The following WDR33 variants were observed in gnomAD, a reference collection of about 807,000 sequenced individuals.
WDR33 encodes the protein WD repeat domain 33, also known as pre-mRNA 3' end processing protein WDR33.
Under a neutral mutation model 164.9 loss-of-function variants are expected in WDR33, and 47 were observed. The ratio of observed to expected loss-of-function variants is 0.29; its 90% confidence interval spans 0.23 to 0.36. The LOEUF (loss-of-function observed/expected upper bound fraction) is 0.36. Ranked by LOEUF, WDR33 falls within the 10% of genes least tolerant of loss-of-function variation. WDR33 has a pLI of 1.00. For synonymous variants in WDR33, 505 were observed against 589.0 expected (o/e 0.86, Z 2.06); for missense variants, 1,137 against 1,754.1 (o/e 0.65, Z 6.28).
chr2:127,781,764 C>T (rs1223119126), intron 1 of WDR33, among the ~76,000 whole-genome samples: 9 of 151,224 alleles, frequency 6.0e-5, no homozygotes, highest in Admixed American at 6.6e-5. Context: ...TTCCGGAGGC[C>T]GAGGTAGGCA....
rs1301954491 is a variant in WDR33 at position 127,768,280 on chromosome 2, A to G, written c.287T>C (p.Ile96Thr). The part of the protein sequence containing the change: ...AGYYNDLVPP[I>T]GMLNNPMNAV... ...ATTCATAGGATTATTCAACATTCCT[A>G]TAGGTGGGACCAGCTACAAAAAAGG... Residue 96 changes from isoleucine to threonine, a missense_variant, in exon 4 of 22, where the codon ATA (isoleucine) becomes ACA (threonine). Around this residue, in one of 9 missense-constraint regions of WDR33, gnomAD observed 55 missense variants for 84.6 expected, o/e 0.65. Coordinates refer to ENST00000322313, the MANE Select transcript of WDR33 (RefSeq NM_018383.5). 6.4e-7 allele frequency: 1 copy of G among 1,567,592 alleles called. No homozygotes were observed. Among genetic ancestry groups the G allele is most frequent in the East Asian group, 2.3e-5 (1 of 43,792 alleles).
rs536816850 is a variant in WDR33 at position 127,701,637 on chromosome 2, G to A, written c.*4686C>T. On this transcript the variant is annotated 3_prime_UTR_variant, in exon 22 of 22. Transcript: ENST00000322313. ...CGCGGAGAAGGCGGAGGAGCCCGGG[G>A]ACCGGCCGGCGGAGGAGTGGCTGGG... is the stretch of plus-strand genomic sequence containing the variant. 6.8e-6 allele frequency: 9 copies of A among 1,319,658 alleles called. No homozygotes were observed. The highest frequency in any genetic ancestry group is 3.9e-5 in the Admixed American group (1 of 25,336). The allele number at this position is 1,319,658 out of a possible 1,614,324, so 81.7% of individuals were successfully genotyped here.
intron 1 of WDR33, among the ~76,000 whole-genome samples, chr2:127,778,378 A>T (rs1558951053): frequency 1.3e-5 from 2 of 151,952 alleles, no homozygotes; most frequent in African/African-American, 4.8e-5. Context: ...CAAAGACTGC[A>T]ATGAGCCAAG....
Position 127,763,938 on chromosome 2 carries a change from T to G in WDR33, c.627-779A>C. 4 of 985,836 alleles carry G rather than the reference T, an allele frequency of 4.1e-6. No individual in the cohort carries two copies. Among genetic ancestry groups the G allele is most frequent in the Non-Finnish European group, 4.8e-6 (4 of 830,242 alleles). 61.1% of individuals were successfully genotyped at this position (985,836 alleles called of 1,614,324 possible). ...AGGCAAAATCTACAAAGCAGAAGCA[T>G]GTTCATCCAACAATTTCTGTTAAGA... On this transcript the variant is annotated intron_variant, in intron 6 of 21. Coordinates refer to ENST00000322313, the MANE Select transcript of WDR33 (RefSeq NM_018383.5). The surrounding 1 kb of genome is among the most constrained non-coding windows in gnomAD (Gnocchi z 4.5).
rs570366328 is a variant in WDR33 at position 127,742,594 on chromosome 2, G to A, written c.725-15817C>T. 1.8e-3 allele frequency among the ~76,000 whole-genome samples: 269 copies of A among 147,386 alleles called. 3 individuals are homozygous for A. Among genetic ancestry groups the A allele is most frequent in the African/African-American group, 6.5e-3 (261 of 39,922 alleles). On this transcript the variant is annotated intron_variant, in intron 7 of 21. Coordinates refer to ENST00000322313, the MANE Select transcript of WDR33 (RefSeq NM_018383.5). ...AAACCAGACTGGGCATGATTGAAAA[G>A]TAAATCAGTATTCCAGGAGACAAAC...
Position 127,724,969 on chromosome 2 carries a change from C to T in WDR33, c.1007-4G>A. ...TGAACAGGATGCCAGGCCACAGCTG[C>T]AGAACAAAAACATGGGAAAAGACAC... is the stretch of plus-strand genomic sequence containing the variant. On this transcript the variant is annotated splice_region_variant and splice_polypyrimidine_tract_variant and intron_variant, in intron 9 of 21. Coordinates refer to ENST00000322313, the MANE Select transcript of WDR33 (RefSeq NM_018383.5). This position sits in a 1 kb window ranked among gnomAD's most constrained non-coding sequence, Gnocchi z 4.8. 2 of 1,614,162 alleles carry T rather than the reference C, an allele frequency of 1.2e-6. No individual in the cohort carries two copies. The highest frequency in any genetic ancestry group is 8.5e-7 in the Non-Finnish European group (1 of 1,180,012).
At position 127,718,983 on chromosome 2, in the gene WDR33, T is replaced by C. The variant is rs1209685672; in HGVS notation, c.2760+282A>G. On this transcript the variant is annotated intron_variant, in intron 16 of 21. Coordinates refer to ENST00000322313, the MANE Select transcript of WDR33 (RefSeq NM_018383.5). The surrounding 1 kb of genome is among the most constrained non-coding windows in gnomAD (Gnocchi z 4.4). ...GGAGCCCTGGGACAATTATCAGCTG[T>C]ACTCAAATGAGAGTTGACCTTTTCT... is the stretch of plus-strand genomic sequence containing the variant. Among the ~76,000 whole-genome samples, 1 of 152,124 alleles carries C rather than the reference T, an allele frequency of 6.6e-6. No individual in the cohort carries two copies. Among genetic ancestry groups the C allele is most frequent in the Non-Finnish European group, 1.5e-5 (1 of 68,020 alleles).
Position 127,715,096 on chromosome 2 carries a change from T to C in WDR33, c.2870-1075A>G, listed in dbSNP as rs1371143915. Among the ~76,000 whole-genome samples the C allele has an allele frequency of 2.1e-5, 3 of 145,858 alleles. No individual in the cohort carries two copies. In the East Asian group the frequency reaches 5.9e-4, roughly 29 times the overall value. On this transcript the variant is annotated intron_variant, in intron 17 of 21. Transcript: ENST00000322313. The stretch of plus-strand genomic sequence containing the variant: ...CTTTTCTTTCTTTGTTTCTTTTTTT[T>C]TTTTTTTTTTTTTTGAGACAGAGGC...
At position 127,709,937 on chromosome 2, in the gene WDR33, A is replaced by G. The variant is rs1686117744; in HGVS notation, c.3309-81T>C. The G allele has an allele frequency of 3.4e-6, 5 of 1,481,252 alleles. No individual in the cohort carries two copies. In the African/African-American group the frequency reaches 5.6e-5, roughly 17 times the overall value. The allele number at this position is 1,481,252 out of a possible 1,614,324, so 91.8% of individuals were successfully genotyped here. On this transcript the variant is annotated intron_variant, in intron 18 of 21. Transcript: ENST00000322313. The surrounding 1 kb of genome is among the most constrained non-coding windows in gnomAD (Gnocchi z 5.0). ...TTCATGTTTCAAAGAAGCATATGAT[A>G]TGAGAAAGCATGATACAATGTTAAT...
intron 7 of WDR33, among the ~76,000 whole-genome samples, chr2:127,750,337 C>CT: frequency 6.6e-6 from 1 of 151,844 alleles, no homozygotes; most frequent in African/African-American, 2.4e-5. Context: ...TGAGAACAGA[C>CT]TTTTTTTGAG....
chr2:127,721,149 A>G lies in WDR33; in HGVS notation c.1671+687T>C, dbSNP rs1037141344. Among the ~76,000 whole-genome samples, 5 of 151,940 alleles carry G rather than the reference A, an allele frequency of 3.3e-5. No individual in the cohort carries two copies. Among genetic ancestry groups the G allele is most frequent in the African/African-American group, 1.2e-4 (5 of 41,360 alleles). ...TTGAGACAGAGTCTCACTTTGTGGC[A>G]CAGGCTGGAGTGCAGTGGTACGATC... On this transcript the variant is annotated intron_variant, in intron 15 of 21. Coordinates refer to ENST00000322313, the MANE Select transcript of WDR33 (RefSeq NM_018383.5). This position sits in a 1 kb window ranked among gnomAD's most constrained non-coding sequence, Gnocchi z 4.9.
At chr2:127,752,110 C>T (rs1235438598) in intron 7 of WDR33, among the ~76,000 whole-genome samples, 1 of 152,190 alleles carries the variant, frequency 6.6e-6, no homozygotes, top group Non-Finnish European at 1.5e-5. Context: ...AAGATTCCTA[C>T]CTTACTGCTG....
intron 1 of WDR33, among the ~76,000 whole-genome samples, chr2:127,805,264 T>G (rs2024198): frequency 2.6e-5 from 4 of 151,602 alleles, no homozygotes; most frequent in African/African-American, 4.8e-5. Flanking sequence ...TTTTTTAAAA[T>G]AGAGACAGGG....
Position 127,712,016 on chromosome 2 carries a change from C to A in WDR33, c.3308+1567G>T, listed in dbSNP as rs1189697937. On this transcript the variant is annotated intron_variant, in intron 18 of 21. Transcript: ENST00000322313. This position sits in a 1 kb window ranked among gnomAD's most constrained non-coding sequence, Gnocchi z 4.0. ...CTCGAACTCCTGACCTCGTGATACACCCACCTCGGCCTCCCAAAGTGCTGG... is the reference window on the plus strand; with the variant it reads ...CTCGAACTCCTGACCTCGTGATACAACCACCTCGGCCTCCCAAAGTGCTGG... Among the ~76,000 whole-genome samples, 3 of 150,918 alleles carry A rather than the reference C, an allele frequency of 2.0e-5. No individual in the cohort carries two copies. The highest frequency in any genetic ancestry group is 4.4e-5 in the Non-Finnish European group (3 of 67,746).
Position 127,713,533 on chromosome 2 carries a change from A to G in WDR33, c.3308+50T>C. On this transcript the variant is annotated intron_variant, in intron 18 of 21. Coordinates refer to ENST00000322313, the MANE Select transcript of WDR33 (RefSeq NM_018383.5). This position sits in a 1 kb window ranked among gnomAD's most constrained non-coding sequence, Gnocchi z 6.2. ...AAAGAGACCTTTGTGGAGACAGCAG[A>G]TAAAAAGCTCCACTGAAGATGGAAT... 6.3e-7 allele frequency: 1 copy of G among 1,587,806 alleles called. No homozygotes were observed. The highest frequency in any genetic ancestry group is 8.6e-7 in the Non-Finnish European group (1 of 1,165,580).
intron 9 of WDR33, 31 bp downstream of exon 9, chr2:127,725,030 G>A: frequency 1.2e-6 from 2 of 1,614,032 alleles, no homozygotes; most frequent in Non-Finnish European, 1.7e-6. Flanking sequence ...AGGTAACAGT[G>A]GTCAATGAGA....
In WDR33 at chr2:127,716,939, G is replaced by A. The variant is rs554428883; in HGVS notation, c.2869+216C>T. 2.0e-5 allele frequency among the ~76,000 whole-genome samples: 3 copies of A among 152,342 alleles called. No individual in the cohort carries two copies. The South Asian group carries it at 6.2e-4, about 32-fold the overall frequency. On this transcript the variant is annotated intron_variant, in intron 17 of 21. Coordinates refer to ENST00000322313, the MANE Select transcript of WDR33 (RefSeq NM_018383.5). This position sits in a 1 kb window ranked among gnomAD's most constrained non-coding sequence, Gnocchi z 4.5. ...CAGGCACGACTGCTGGAGCCTGTGC[G>A]GGTGCCTTCATTGTCAGCCTCTGGG...
chr2:127,785,967 T>C (rs890311875), intron 1 of WDR33, among the ~76,000 whole-genome samples: 1 of 152,260 alleles, frequency 6.6e-6, no homozygotes, highest in Non-Finnish European at 1.5e-5. Context: ...TCCGTATCGT[T>C]GACAGCATTT....
intron 1 of WDR33, among the ~76,000 whole-genome samples, chr2:127,780,956 G>A (rs1688349031): frequency 6.6e-6 from 1 of 152,150 alleles, no homozygotes; most frequent in Non-Finnish European, 1.5e-5. Flanking sequence ...CATCTCACAG[G>A]TTCAAGCAAT....
Sources: allele counts gnomAD v4.1 joint callset (sites outside exome capture counted in the v4.1 genomes callset), GRCh38; gene constraint gnomAD v4.1.1; regional missense constraint gnomAD v4.1.1; non-coding constraint Gnocchi (gnomAD v3.1); transcripts MANE v1.5; gene names NCBI Gene and HGNC (gene_info 2026-07-23, HGNC 2026-07-21).